Variants in DDHD1 observed in about 807,000 individuals in gnomAD.
DDHD1 encodes phospholipase DDHD1.
Under a neutral mutation model 96.4 loss-of-function variants are expected in DDHD1, and 49 were observed. That is an observed-to-expected ratio of 0.51 (90% CI 0.40 to 0.64). The LOEUF (loss-of-function observed/expected upper bound fraction) is 0.64, where lower values mean the gene tolerates loss of function less well. Ranked by LOEUF, DDHD1 falls within the 30% of genes least tolerant of loss-of-function variation. DDHD1 has a pLI of 0.00. For synonymous variants in DDHD1, 442 were observed against 446.5 expected, an observed-to-expected ratio of 0.99 and a Z score of 0.13; for missense variants, 1,106 against 1,161.2, an observed-to-expected ratio of 0.95 and a Z score of 0.69.
intron 4 of DDHD1, among the ~76,000 whole-genome samples, chr14:53,081,779 A>G (rs540780050): frequency 6.6e-6 from 1 of 152,244 alleles, no homozygotes; most frequent in African/African-American, 2.4e-5. Flanking sequence ...GATCGCTATC[A>G]TAATTCTCAA....
rs564013718 is a variant in DDHD1, at chr14:53,085,857, T to C, written c.1289+5928A>G. Among the ~76,000 whole-genome samples, 8 of 152,262 alleles carry C rather than the reference T, an allele frequency of 5.3e-5. No homozygotes were observed. The East Asian group carries it at 1.3e-3, about 26-fold the overall frequency. On this transcript the variant is annotated intron_variant, in intron 4 of 12. Transcript: ENST00000673822. ...TTGGTAATAACAAACTTCTCTGAGC[T>C]AAAGGAGCATGTTCAAACCCATTGC...
intron 1 of DDHD1, among the ~76,000 whole-genome samples, chr14:53,117,544 A>G (rs1888642049): frequency 1.3e-5 from 2 of 152,204 alleles, no homozygotes; most frequent in Admixed American, 1.3e-4. Context: ...GCTCACTGCT[A>G]GCGCAACAGT....
intron 2 of DDHD1, among the ~76,000 whole-genome samples, chr14:53,101,256 C>T (rs1887272143): frequency 6.6e-6 from 1 of 152,052 alleles, no homozygotes; most frequent in Non-Finnish European, 1.5e-5. Context: ...TTTTGGATAG[C>T]AAATGTTCTT....
Position 53,129,000 on chromosome 14 carries a change from T to G in DDHD1, c.838+23261A>C, listed in dbSNP as rs576399255. The stretch of plus-strand genomic sequence containing the variant: ...TCTCCCTGCCCTTGAGAATGTACTT[T>G]GTGAGATCCACCCCTGGCCCACCTA... On this transcript the variant is annotated intron_variant, in intron 1 of 12. Transcript: ENST00000673822. 5.0e-4 allele frequency among the ~76,000 whole-genome samples: 76 copies of G among 152,308 alleles called. 2 individuals carry two copies. The South Asian group carries it at 0.012, about 25-fold the overall frequency.
chr14:53,054,585 T>C lies in DDHD1; in HGVS notation c.2290A>G (p.Arg764Gly). The C allele has an allele frequency of 1.2e-6, 2 of 1,614,100 alleles. No individual in the cohort carries two copies. Among genetic ancestry groups the C allele is most frequent in the Non-Finnish European group, 1.7e-6 (2 of 1,179,966 alleles). Residue 764 changes from arginine (R) to glycine (G), a missense_variant, in exon 11 of 13, where the codon AGA (arginine) becomes GGA (glycine). Coordinates refer to ENST00000673822, the MANE Select transcript of DDHD1 (RefSeq NM_001160148.2). The part of the protein sequence containing the change: ...GKGLGGMLFS[R>G]FGRSSTTQSS... ...TGTGTTGTAGATGAACGTCCAAATCTTGAGAACAACATTCCTCCAAGTCCC... is the reference window on the plus strand; with the variant it reads ...TGTGTTGTAGATGAACGTCCAAATCCTGAGAACAACATTCCTCCAAGTCCC...
rs527358656 is a variant in DDHD1 at position 53,045,941 on chromosome 14, C to T, written c.*827G>A. ...GAAATGTACCCATTATGGAGTACTC[C>T]GTGTCAAGTTTAGAGAAACTTTAGC... On this transcript the variant is annotated 3_prime_UTR_variant, in exon 13 of 13. Transcript: ENST00000673822. 4 of 152,096 alleles carry T rather than the reference C, an allele frequency of 2.6e-5. No homozygotes were observed. Among genetic ancestry groups the T allele is most frequent in the African/African-American group, 4.8e-5 (2 of 41,498 alleles). The allele number at this position is 152,096 out of a possible 1,614,324, so 9.4% of individuals were successfully genotyped here.
chr14:53,073,257 T>C (rs1884673290), intron 5 of DDHD1, among the ~76,000 whole-genome samples: 1 of 151,988 alleles, frequency 6.6e-6, no homozygotes, highest in East Asian at 1.9e-4. Flanking sequence ...AAATTATCTA[T>C]GCTAGATTGT....
chr14:53,101,505 T>A (rs1887293716), intron 2 of DDHD1, among the ~76,000 whole-genome samples: 1 of 152,112 alleles, frequency 6.6e-6, no homozygotes, highest in Non-Finnish European at 1.5e-5. Context: ...AGAATCATCA[T>A]TTTTGAAAGA....
Position 53,055,987 on chromosome 14 carries a change from C to A in DDHD1, c.1993-75G>T. ...CTTGGATTTTAGTAAACTGTTCTTA[C>A]TCTACTGCATGTTAAGTAAACCTCC... On this transcript the variant is annotated intron_variant, in intron 9 of 12. Transcript: ENST00000673822. The A allele has an allele frequency of 2.4e-6, 3 of 1,265,604 alleles. No homozygotes were observed. The South Asian group carries it at 4.3e-5, about 18-fold the overall frequency. The allele number at this position is 1,265,604 out of a possible 1,614,324, so 78.4% of individuals were successfully genotyped here.
At chr14:53,096,563 T>C (rs1165628391) in intron 2 of DDHD1, among the ~76,000 whole-genome samples, 1 of 152,050 alleles carries the variant, frequency 6.6e-6, no homozygotes, top group East Asian at 1.9e-4. Flanking sequence ...ACTAAGGTTA[T>C]TTACTCTCAC....
chr14:53,102,087 A>G (rs1887342626), intron 2 of DDHD1, among the ~76,000 whole-genome samples: 1 of 152,036 alleles, frequency 6.6e-6, no homozygotes, highest in South Asian at 2.1e-4. Flanking sequence ...TTGAGGCAGA[A>G]TACTTAGGGG....
chr14:53,135,545 G>C (rs368464063), intron 1 of DDHD1, among the ~76,000 whole-genome samples: 7 of 152,278 alleles, frequency 4.6e-5, no homozygotes, highest in African/African-American at 1.7e-4. Context: ...ACATGGACGC[G>C]TGTGACACAC....
At chr14:53,083,456 A>G (rs1885669948) in intron 4 of DDHD1, among the ~76,000 whole-genome samples, 1 of 152,240 alleles carries the variant, frequency 6.6e-6, no homozygotes, top group Non-Finnish European at 1.5e-5. Flanking sequence ...TGACATTCCC[A>G]GAAGTTGTCT....
intron 6 of DDHD1, among the ~76,000 whole-genome samples, chr14:53,065,577 G>T (rs561100411): frequency 5.3e-5 from 8 of 152,270 alleles, no homozygotes; most frequent in African/African-American, 1.7e-4. Flanking sequence ...AGTCATCTGA[G>T]AAGTACTGAT....
Position 53,038,546 on chromosome 14 carries a change from T to C in DDHD1, c.*8222A>G, listed in dbSNP as rs1379519240. 1 of 152,168 alleles carries C rather than the reference T, an allele frequency of 6.6e-6. No individual in the cohort carries two copies. Among genetic ancestry groups the C allele is most frequent in the Non-Finnish European group, 1.5e-5 (1 of 68,034 alleles). 9.4% of individuals were successfully genotyped at this position (152,168 alleles called of 1,614,324 possible). A position where few individuals can be genotyped will look rare whatever the true frequency, so the allele number is the denominator to read the frequency against. ...AACCAAAAAATGGAAAAACATTCCATGTTCATGGATTGGAAGAATCAATAT... is the reference window on the plus strand; with the variant it reads ...AACCAAAAAATGGAAAAACATTCCACGTTCATGGATTGGAAGAATCAATAT... On this transcript the variant is annotated 3_prime_UTR_variant, in exon 13 of 13. Transcript: ENST00000673822.
At chr14:53,125,459 AT>A (rs1319827627) in intron 1 of DDHD1, among the ~76,000 whole-genome samples, 2 of 152,196 alleles carry the variant, frequency 1.3e-5, no homozygotes, top group Non-Finnish European at 2.9e-5. Context: ...AGTTGTCTGA[AT>A]TTTCAGTGTT....
intron 1 of DDHD1, chr14:53,149,959 A>G (rs977389937): frequency 2.0e-5 from 3 of 152,186 alleles, no homozygotes; most frequent in African/African-American, 7.2e-5. Flanking sequence ...ATAAAGGCCA[A>G]ACTCCTTAGC....
rs1398445532 is a variant in DDHD1, at chr14:53,043,197, C to T, written c.*3571G>A. 6.6e-6 allele frequency: 1 copy of T among 151,994 alleles called. No homozygotes were observed. The highest frequency in any genetic ancestry group is 1.5e-5 in the Non-Finnish European group (1 of 68,030). The allele number at this position is 151,994 out of a possible 1,614,324, so 9.4% of individuals were successfully genotyped here. On this transcript the variant is annotated 3_prime_UTR_variant, in exon 13 of 13. Coordinates refer to ENST00000673822, the MANE Select transcript of DDHD1 (RefSeq NM_001160148.2). The stretch of plus-strand genomic sequence containing the variant: ...TCTGCAGACTAGGATGCTTCAGCTC[C>T]CAATGAGAAAACAGAGAAAAAAGAG...
chr14:53,073,483 A>T (rs1195381121), intron 5 of DDHD1, among the ~76,000 whole-genome samples: 1 of 152,050 alleles, frequency 6.6e-6, no homozygotes, highest in African/African-American at 2.4e-5. Flanking sequence ...CACCTGCCAC[A>T]ATCCAGAGGG....
Sources: gnomAD v4.1 joint callset for allele counts (sites outside exome capture counted in the v4.1 genomes callset) on GRCh38, gnomAD v4.1.1 for gene constraint, MANE v1.5 for transcripts, NCBI Gene and HGNC (gene_info 2026-07-23, HGNC 2026-07-21) for gene names.